ZNF423: variants seen among roughly 807,000 people sequenced by gnomAD.
ZNF423 encodes Ebf-associated zinc finger protein.
Under a neutral mutation model 95.8 loss-of-function variants are expected in ZNF423, and 12 were observed. The observed-to-expected ratio is 0.13, with a 90% confidence interval of 0.08 to 0.20. The LOEUF is 0.20. Among genes scored for constraint, ZNF423 ranks in the 10% least tolerant of loss-of-function variants. The pLI is 1.00. For missense variants in ZNF423, 1,316 were observed against 1,737.1 expected (o/e 0.76, Z 4.31); for synonymous variants, 749 against 711.9 (o/e 1.05, Z -0.83).
chr16:49,784,532 C>A (rs1032077721), intron 2 of ZNF423, among the ~76,000 whole-genome samples: 2 of 152,208 alleles, frequency 1.3e-5, no homozygotes, highest in African/African-American at 2.4e-5. Flanking sequence ...AGGACAGACA[C>A]CTCCTATAAT....
At chr16:49,786,245 G>A (rs544728548) in intron 2 of ZNF423, among the ~76,000 whole-genome samples, 3 of 152,348 alleles carry the variant, frequency 2.0e-5, no homozygotes, top group East Asian at 1.9e-4. Flanking sequence ...GCCCCCGCTC[G>A]AGGGCACGGA....
chr16:49,677,545 C>T (rs1354700819), intron 3 of ZNF423, among the ~76,000 whole-genome samples: 1 of 152,048 alleles, frequency 6.6e-6, no homozygotes, highest in African/African-American at 2.4e-5. Context: ...AATCTCAGCA[C>T]TTTGGGAGGC....
At position 49,855,037 on chromosome 16, in the gene ZNF423, G is replaced by A. The variant is rs2144138350; in HGVS notation, c.40+698C>T. On this transcript the variant is annotated intron_variant, in intron 1 of 7. Coordinates refer to ENST00000563137, the MANE Select transcript of ZNF423 (RefSeq NM_001379286.1). This position sits in a 1 kb window ranked among gnomAD's most constrained non-coding sequence, Gnocchi z 4.7. ...TGAGGACCTGCGTCCCGCCGGCGCCGTGCAGACAATGAACTCCTGGCGGAG... is the reference window on the plus strand; with the variant it reads ...TGAGGACCTGCGTCCCGCCGGCGCCATGCAGACAATGAACTCCTGGCGGAG... 1 of 984,872 alleles carries A rather than the reference G, an allele frequency of 1.0e-6. No homozygotes were observed. The highest frequency in any genetic ancestry group is 1.2e-6 in the Non-Finnish European group (1 of 829,688). 61.0% of individuals were successfully genotyped at this position (984,872 alleles called of 1,614,324 possible).
At chr16:49,715,940 C>T (rs78067671) in intron 3 of ZNF423, among the ~76,000 whole-genome samples, 13,751 of 149,904 alleles carry the variant, frequency 0.092, 957 homozygotes, top group South Asian at 0.28. Flanking sequence ...CCCAGCTACT[C>T]GGGAGGCTGA....
rs1966942840 is a variant in ZNF423 at position 49,491,180 on chromosome 16, C to G, written c.*95G>C. 6.7e-7 allele frequency: 1 copy of G among 1,491,292 alleles called. No homozygotes were observed. Among genetic ancestry groups the G allele is most frequent in the African/African-American group, 1.4e-5 (1 of 72,506 alleles). 92.4% of individuals were successfully genotyped at this position (1,491,292 alleles called of 1,614,324 possible). A position where few individuals can be genotyped will look rare whatever the true frequency, so the allele number is the denominator to read the frequency against. On this transcript the variant is annotated 3_prime_UTR_variant, in exon 8 of 8. Coordinates refer to ENST00000563137, the MANE Select transcript of ZNF423 (RefSeq NM_001379286.1). ...TCATTAGAGTTTTACATCTGGGTTGCAAATGACACTTTGATTGGATGTAAT... is the reference window on the plus strand; with the variant it reads ...TCATTAGAGTTTTACATCTGGGTTGGAAATGACACTTTGATTGGATGTAAT...
chr16:49,763,450 T>C (rs1238287879), intron 2 of ZNF423, among the ~76,000 whole-genome samples: 1 of 152,084 alleles, frequency 6.6e-6, no homozygotes, highest in East Asian at 1.9e-4. Flanking sequence ...AATTTTTGTA[T>C]TTTTTCTAGA....
intron 5 of ZNF423, among the ~76,000 whole-genome samples, chr16:49,604,788 A>C (rs1379645633): frequency 1.3e-5 from 2 of 152,072 alleles, no homozygotes; most frequent in Non-Finnish European, 2.9e-5. Flanking sequence ...AAACACCAAG[A>C]AGCCTGCTGC....
At chr16:49,698,661 C>A (rs1420141235) in intron 3 of ZNF423, among the ~76,000 whole-genome samples, 1 of 152,130 alleles carries the variant, frequency 6.6e-6, no homozygotes, top group Non-Finnish European at 1.5e-5. Context: ...GGGCCCGGCG[C>A]CTGCTCCACA....
chr16:49,513,555 T>A (rs1421218286), intron 7 of ZNF423, among the ~76,000 whole-genome samples: 1 of 152,210 alleles, frequency 6.6e-6, no homozygotes, highest in African/African-American at 2.4e-5. Flanking sequence ...GGGTTTCCCC[T>A]TCTTCCTTTT....
chr16:49,684,867 T>C (rs1164777031), intron 3 of ZNF423, among the ~76,000 whole-genome samples: 3 of 151,768 alleles, frequency 2.0e-5, no homozygotes, highest in African/African-American at 4.8e-5. Context: ...CCAGCTGGAG[T>C]GTGTGAGGGC....
intron 1 of ZNF423, among the ~76,000 whole-genome samples, chr16:49,844,163 T>G (rs2035219629): frequency 6.6e-6 from 1 of 150,458 alleles, no homozygotes; most frequent in African/African-American, 2.4e-5. Flanking sequence ...GCACCTATAG[T>G]CCCAGCAACT....
intron 5 of ZNF423, among the ~76,000 whole-genome samples, chr16:49,577,454 G>T (rs149892488): frequency 6.6e-6 from 1 of 152,128 alleles, no homozygotes; most frequent in East Asian, 1.9e-4. Flanking sequence ...CCAGACAGAC[G>T]CCAGGGCCCC....
intron 1 of ZNF423, among the ~76,000 whole-genome samples, chr16:49,801,734 T>A (rs2034585589): frequency 6.6e-6 from 1 of 152,248 alleles, no homozygotes; most frequent in Non-Finnish European, 1.5e-5. Context: ...TGATGCGTGC[T>A]TAAGTTTGAG....
intron 3 of ZNF423, among the ~76,000 whole-genome samples, chr16:49,712,769 G>A (rs764108299): frequency 3.3e-5 from 5 of 152,196 alleles, no homozygotes; most frequent in Non-Finnish European, 7.3e-5. Context: ...CGCGATCCGC[G>A]AGTGGAAACC....
Position 49,730,847 on chromosome 16 carries a change from G to A in ZNF423, c.225C>T (p.Tyr75=). The change falls in exon 3 of 8, where the codon TAC becomes TAT. Residue 75 remains tyrosine (Y), a synonymous_variant. Transcript: ENST00000563137. Reference sequence around the variant, plus strand: ...AGTCCTGCTGACAGTGATCGCAGGTGTAAATTGATTCATCCTCCATGTCTT... The same window carrying A: ...AGTCCTGCTGACAGTGATCGCAGGTATAAATTGATTCATCCTCCATGTCTT... The part of the protein sequence containing the change: ...DDEDMEDESI[Y]TCDHCQQDFE... 1 of 1,614,148 alleles carries A rather than the reference G, an allele frequency of 6.2e-7. No homozygotes were observed. Among genetic ancestry groups the A allele is most frequent in the Non-Finnish European group, 8.5e-7 (1 of 1,180,038 alleles).
In ZNF423 at chr16:49,730,781, G is replaced by A. The variant is rs776280102; in HGVS notation, c.291C>T (p.Arg97=). ...GCTGTTTTGCATTACCTCCAGGACAGCGGTGGGCCCGGTGGTCCGTCAGGT... is the reference window on the plus strand; with the variant it reads ...GCTGTTTTGCATTACCTCCAGGACAACGGTGGGCCCGGTGGTCCGTCAGGT... ...LADLTDHRAH[R]CPGDGDDDPQ... is the part of the protein sequence containing the mutation. Residue 97 remains arginine (R), a synonymous_variant, in exon 3 of 8, where the codon CGC becomes CGT. Transcript: ENST00000563137. The A allele has an allele frequency of 4.3e-5, 69 of 1,614,126 alleles. No individual in the cohort carries two copies.
chr16:49,613,155 G>A (rs546776644), intron 5 of ZNF423, among the ~76,000 whole-genome samples: 1 of 152,198 alleles, frequency 6.6e-6, no homozygotes, highest in South Asian at 2.1e-4. Flanking sequence ...AAGAATTTTG[G>A]TAGATACAGA....
At chr16:49,816,923 A>C (rs1362882116) in intron 1 of ZNF423, among the ~76,000 whole-genome samples, 1 of 152,246 alleles carries the variant, frequency 6.6e-6, no homozygotes, top group Non-Finnish European at 1.5e-5. Flanking sequence ...CTGAGCAATC[A>C]GTATGCTCAA....
intron 3 of ZNF423, among the ~76,000 whole-genome samples, chr16:49,651,198 T>TG (rs1241549880): frequency 6.6e-6 from 1 of 151,044 alleles, no homozygotes; most frequent in African/African-American, 2.4e-5. Context: ...TTTTAATTTT[T>TG]TTTTTTTTGT....
Sources: allele counts gnomAD v4.1 joint callset (sites outside exome capture counted in the v4.1 genomes callset), GRCh38; gene constraint gnomAD v4.1.1; non-coding constraint Gnocchi (gnomAD v3.1); transcripts MANE v1.5; gene names NCBI Gene and HGNC (gene_info 2026-07-23, HGNC 2026-07-21).